The following TSPAN18 variants were observed in gnomAD, a reference collection of about 807,000 sequenced individuals.
TSPAN18 encodes tetraspanin-18.
In TSPAN18, 14 loss-of-function variants were observed where a neutral mutation model predicts 27.3. That is an observed-to-expected ratio of 0.51 (90% CI 0.34 to 0.80). TSPAN18 has a LOEUF of 0.80. Among genes scored for constraint, TSPAN18 ranks in the 30% least tolerant of loss-of-function variants. The probability of loss-of-function intolerance (pLI) is 0.01; values close to 1 mark genes in which losing one functional copy is unlikely to be tolerated. For synonymous variants in TSPAN18, 143 were observed against 136.5 expected (o/e 1.05, Z -0.33); for missense variants, 268 against 323.9 (o/e 0.83, Z 1.32).
chr11:44,762,601 C>T (rs532870920), intron 1 of TSPAN18, among the ~76,000 whole-genome samples: 9 of 151,928 alleles, frequency 5.9e-5, no homozygotes, highest in Admixed American at 3.3e-4. Context: ...AAGGTCATAC[C>T]TATATATACA....
At chr11:44,853,010 G>A (rs558988061) in intron 2 of TSPAN18, among the ~76,000 whole-genome samples, 14 of 152,206 alleles carry the variant, frequency 9.2e-5, no homozygotes, top group Non-Finnish European at 1.5e-4. Context: ...TCAAGTGTTC[G>A]TGCTATACTA....
intron 3 of TSPAN18, among the ~76,000 whole-genome samples, chr11:44,861,476 CG>C (rs1163883403): frequency 1.3e-3 from 2 of 1,580 alleles, no homozygotes; most frequent in East Asian, 0.022. Flanking sequence ...CGGTGCTGGG[CG>C]GGGGGTCGGT....
intron 3 of TSPAN18, among the ~76,000 whole-genome samples, chr11:44,904,443 C>A (rs1177133728): frequency 6.6e-6 from 1 of 152,224 alleles, no homozygotes; most frequent in Non-Finnish European, 1.5e-5. Flanking sequence ...GGCACCTTAG[C>A]CATGTCTGCC....
intron 2 of TSPAN18, among the ~76,000 whole-genome samples, chr11:44,855,648 C>G (rs1038525323): frequency 6.6e-6 from 1 of 151,982 alleles, no homozygotes; most frequent in African/African-American, 2.4e-5. Flanking sequence ...GTCAAGCTGA[C>G]ACCTCAAATT....
At chr11:44,739,508 C>T (rs964230928) in intron 1 of TSPAN18, among the ~76,000 whole-genome samples, 2 of 152,104 alleles carry the variant, frequency 1.3e-5, no homozygotes, top group South Asian at 4.1e-4. Context: ...CCTGTAATCC[C>T]AGCTACTCAG....
In TSPAN18 at chr11:44,930,878, C is replaced by A; in HGVS notation, c.*1700C>A. On this transcript the variant is annotated 3_prime_UTR_variant, in exon 10 of 10. Coordinates refer to ENST00000520358, the MANE Select transcript of TSPAN18 (RefSeq NM_130783.5). ...CCTCTTCAGGAAGAAAGAGCTCATT[C>A]TGTCTCACAAGCCACCGGCATCCTG... The A allele has an allele frequency of 1.9e-6, 1 of 522,880 alleles. No individual in the cohort carries two copies. Among genetic ancestry groups the A allele is most frequent in the East Asian group, 5.6e-5 (1 of 17,830 alleles). The allele number at this position is 522,880 out of a possible 1,614,324, so 32.4% of individuals were successfully genotyped here. A position where few individuals can be genotyped will look rare whatever the true frequency, so the allele number is the denominator to read the frequency against.
chr11:44,862,387 ACCT>A (rs1243712545), intron 3 of TSPAN18, among the ~76,000 whole-genome samples: 1 of 151,120 alleles, frequency 6.6e-6, no homozygotes, highest in Non-Finnish European at 1.5e-5. Flanking sequence ...TCAACCACAA[ACCT>A]CCTGGCCCTC....
chr11:44,816,746 T>C (rs564590809), intron 2 of TSPAN18, among the ~76,000 whole-genome samples: 173 of 152,346 alleles, frequency 1.1e-3, no homozygotes, highest in African/African-American at 4.0e-3. Context: ...CAAGTGAGTG[T>C]AGACTTCCTG....
rs1353932723 is a variant in TSPAN18, at chr11:44,731,575, T to C, written c.-240+4288T>C. ...ATGGGAGGGATTAACTTTGGTCCTT[T>C]CTAGTTTTCTGGGGCCTGGATTGTG... On this transcript the variant is annotated intron_variant, in intron 1 of 9. Transcript: ENST00000520358. Among the ~76,000 whole-genome samples the C allele has an allele frequency of 2.0e-5, 3 of 151,096 alleles. No homozygotes were observed. In the East Asian group the frequency reaches 5.8e-4, roughly 29 times the overall value.
intron 2 of TSPAN18, among the ~76,000 whole-genome samples, chr11:44,819,189 A>G (rs749882776): frequency 2.6e-5 from 4 of 152,096 alleles, no homozygotes; most frequent in African/African-American, 4.8e-5. Flanking sequence ...GTTTGGCCCC[A>G]TCTTGCCTTT....
chr11:44,794,293 C>T (rs1856296122), intron 2 of TSPAN18, among the ~76,000 whole-genome samples: 3 of 152,168 alleles, frequency 2.0e-5, no homozygotes, highest in Admixed American at 1.3e-4. Context: ...GAACCTGGAG[C>T]TTCACACATG....
intron 3 of TSPAN18, among the ~76,000 whole-genome samples, chr11:44,871,821 T>C (rs1858203961): frequency 6.6e-6 from 1 of 152,188 alleles, no homozygotes; most frequent in African/African-American, 2.4e-5. Flanking sequence ...ACCCTTGGAC[T>C]TGGAGGCAGG....
At chr11:44,820,003 G>A (rs1392774971) in intron 2 of TSPAN18, among the ~76,000 whole-genome samples, 1 of 152,096 alleles carries the variant, frequency 6.6e-6, no homozygotes, top group Non-Finnish European at 1.5e-5. Flanking sequence ...CTGCACTAGC[G>A]CCGGCCAAGG....
intron 2 of TSPAN18, among the ~76,000 whole-genome samples, chr11:44,768,083 T>G (rs902446787): frequency 1.5e-4 from 23 of 152,262 alleles, no homozygotes; most frequent in African/African-American, 5.5e-4. Context: ...TTGGCTATTC[T>G]GGGTGTTTTG....
At chr11:44,870,092 G>C (rs1858152082) in intron 3 of TSPAN18, among the ~76,000 whole-genome samples, 1 of 152,124 alleles carries the variant, frequency 6.6e-6, no homozygotes, top group Non-Finnish European at 1.5e-5. Context: ...CAGTTTTATA[G>C]AGGTATAATT....
intron 2 of TSPAN18, among the ~76,000 whole-genome samples, chr11:44,819,377 A>C (rs1296776720): frequency 6.6e-6 from 1 of 152,236 alleles, no homozygotes; most frequent in East Asian, 1.9e-4. Context: ...ATTTCAGGCT[A>C]ATCGCAGGGG....
At position 44,785,571 on chromosome 11, in the gene TSPAN18, G is replaced by T. The variant is rs554392217; in HGVS notation, c.-153+21059G>T. ...TTTTATCCCCTCAAATGCCTCATTT[G>T]TGCTTTGGCCCAAACTGCAGCCCCC... On this transcript the variant is annotated intron_variant, in intron 2 of 9. Coordinates refer to ENST00000520358, the MANE Select transcript of TSPAN18 (RefSeq NM_130783.5). Among the ~76,000 whole-genome samples, 3 of 118,638 alleles carry T rather than the reference G, an allele frequency of 2.5e-5. No individual in the cohort carries two copies. In the South Asian group the frequency reaches 7.6e-4, roughly 30 times the overall value. The allele number at this position is 118,638 out of a possible 152,430, so 77.8% of individuals were successfully genotyped here.
chr11:44,855,482 A>G (rs1028618537), intron 2 of TSPAN18, among the ~76,000 whole-genome samples: 6 of 152,206 alleles, frequency 3.9e-5, no homozygotes, highest in Admixed American at 6.5e-5. Context: ...GTTCTGATAT[A>G]TAAGGTGGTT....
intron 3 of TSPAN18, among the ~76,000 whole-genome samples, chr11:44,893,454 A>G (rs1281739540): frequency 2.0e-5 from 3 of 152,284 alleles, no homozygotes; most frequent in East Asian, 3.9e-4. Flanking sequence ...TCTCAGGCCA[A>G]TTGCTTGTTT....
Sources: allele counts gnomAD v4.1 joint callset (sites outside exome capture counted in the v4.1 genomes callset), GRCh38; gene constraint gnomAD v4.1.1; transcripts MANE v1.5; gene names NCBI Gene and HGNC (gene_info 2026-07-23, HGNC 2026-07-21).